The following SLC12A7 variants were observed in gnomAD, a reference collection of about 807,000 sequenced individuals.
SLC12A7 encodes solute carrier family 12 member 7.
SLC12A7 carries 100 observed loss-of-function variants against 120.6 expected under a neutral mutation model. The ratio of observed to expected loss-of-function variants is 0.83; its 90% CI spans 0.71 to 0.98. SLC12A7 has a LOEUF of 0.98. Among genes scored for constraint, SLC12A7 ranks in the 50% least tolerant of loss-of-function variants. The pLI, the probability that SLC12A7 is intolerant of heterozygous loss-of-function variation, is 0.00. For missense variants in SLC12A7, 1,373 were observed against 1,548.1 expected (o/e 0.89, Z 1.90); for synonymous variants, 760 against 678.0 (o/e 1.12, Z -1.88).
At chr5:1,126,582 C>T in the SLC12A7 span, among the ~76,000 whole-genome samples, 3 of 152,122 alleles carry the variant, frequency 2.0e-5, no homozygotes, top group African/African-American at 7.2e-5. Flanking sequence ...TATTTCATTA[C>T]TCAGGTATTA....
rs201538075 is a variant in SLC12A7, at chr5:1,064,072, G to A, written c.2607+11C>T. The A allele has an allele frequency of 1.3e-4, 204 of 1,601,952 alleles. No homozygotes were observed. The highest frequency in any genetic ancestry group is 5.8e-4 in the South Asian group (52 of 90,064). On this transcript the variant is annotated intron_variant, in intron 19 of 23. Transcript: ENST00000264930. ...GTGCTCCGGCTGGCGTGTCCCCGTC[G>A]CACGCCCCACCTTGTGCTGGCGCAG...
the SLC12A7 span, among the ~76,000 whole-genome samples, chr5:1,128,190 T>C: frequency 9.2e-5 from 14 of 152,224 alleles, no homozygotes; most frequent in Non-Finnish European, 1.3e-4. Flanking sequence ...CCCCTTCCCC[T>C]GCACCTGTGG....
intron 7 of SLC12A7, among the ~76,000 whole-genome samples, chr5:1,084,321 G>A (rs912827495): frequency 1.3e-5 from 2 of 152,190 alleles, no homozygotes; most frequent in African/African-American, 4.8e-5. Flanking sequence ...GTTTTCCACC[G>A]CGCGGTGCCG....
the SLC12A7 span, among the ~76,000 whole-genome samples, chr5:1,140,509 C>T: frequency 6.6e-6 from 1 of 152,178 alleles, no homozygotes; most frequent in Non-Finnish European, 1.5e-5. Flanking sequence ...GGGGGGTGCT[C>T]CCTGCTGGCT....
chr5:1,136,728 T>C, the SLC12A7 span, among the ~76,000 whole-genome samples: 13 of 73,110 alleles, frequency 1.8e-4, no homozygotes, highest in Admixed American at 4.2e-4. Context: ...CAGGCACACG[T>C]GTGCTCAGAC....
chr5:1,073,505 A>T, intron 17 of SLC12A7, 128 bp downstream of exon 17: 2 of 1,086,902 alleles, frequency 1.8e-6, no homozygotes, highest in Non-Finnish European at 2.5e-6. Context: ...AGCCACCGCC[A>T]CGGCTAAAAC....
intron 11 of SLC12A7, among the ~76,000 whole-genome samples, chr5:1,078,319 G>T (rs1738601796): frequency 6.6e-6 from 1 of 152,120 alleles, no homozygotes; most frequent in African/African-American, 2.4e-5. Flanking sequence ...CCTTGGGGCT[G>T]CCAGACACGC....
At chr5:1,116,601 C>T (rs1373255729), upstream of SLC12A7, among the ~76,000 whole-genome samples, 1 of 152,090 alleles carries the variant, frequency 6.6e-6, no homozygotes, top group Non-Finnish European at 1.5e-5. Flanking sequence ...TGGAAGATTC[C>T]GTGGATGAGT....
intron 23 of SLC12A7, 119 bp downstream of exon 23, chr5:1,053,230 T>C (rs1401888309): frequency 7.5e-6 from 10 of 1,328,320 alleles, no homozygotes; most frequent in Non-Finnish European, 8.2e-6. Context: ...TCCCAGAGCC[T>C]GGGGCTGAAG....
rs769137866 is a variant in SLC12A7, at chr5:1,089,108, G to A, written c.363C>T (p.Phe121=). ...REAKAPRMGT[F]IGVYLPCLQN... The stretch of plus-strand genomic sequence containing the variant: ...GCAGGCACGGCAGGTAGACGCCGAT[G>A]AAGGTGCCCATGCGCGGAGCCTGCG... Residue 121 remains phenylalanine (F), a synonymous_variant, in exon 4 of 24, where the codon TTC becomes TTT. Coordinates refer to ENST00000264930, the MANE Select transcript of SLC12A7 (RefSeq NM_006598.3). 1.2e-6 allele frequency: 2 copies of A among 1,612,800 alleles called. No individual in the cohort carries two copies. The highest frequency in any genetic ancestry group is 3.3e-5 in the Admixed American group (2 of 60,024).
chr5:1,081,751 G>C lies in SLC12A7; in HGVS notation c.1130-7C>G. On this transcript the variant is annotated splice_region_variant and splice_polypyrimidine_tract_variant and intron_variant, in intron 8 of 23. Transcript: ENST00000264930. ...TACGTACTCCACAGGTTCTCTGCCG[G>C]GCAAGGAAGATCCCATGGGTTTCTG... The C allele has an allele frequency of 1.9e-6, 3 of 1,608,040 alleles. No homozygotes were observed. The highest frequency in any genetic ancestry group is 2.6e-6 in the Non-Finnish European group (3 of 1,176,124).
At chr5:1,053,703 G>A (rs529445243) in intron 22 of SLC12A7, among the ~76,000 whole-genome samples, 2 of 152,348 alleles carry the variant, frequency 1.3e-5, no homozygotes, top group South Asian at 4.1e-4. Flanking sequence ...GGATGCTTTG[G>A]CCTCCAGGGA....
At chr5:1,079,323 G>T in intron 10 of SLC12A7, 75 bp downstream of exon 10, 1 of 1,172,034 alleles carries the variant, frequency 8.5e-7, no homozygotes, top group Non-Finnish European at 1.3e-6. Context: ...AGGGTATGAT[G>T]CTGAGCCGGG....
chr5:1,079,578 A>G, intron 9 of SLC12A7, 82 bp from the exon 10 acceptor site: 4 of 1,208,136 alleles, frequency 3.3e-6, no homozygotes, highest in East Asian at 2.3e-5. Context: ...AAAGCTGGAA[A>G]GGCGGTCTCT....
chr5:1,108,286 C>T lies in SLC12A7; in HGVS notation c.124+3582G>A, dbSNP rs556876121. 5.3e-5 allele frequency among the ~76,000 whole-genome samples: 8 copies of T among 152,338 alleles called. No individual in the cohort carries two copies. The South Asian group carries it at 8.3e-4, about 16-fold the overall frequency. On this transcript the variant is annotated intron_variant, in intron 1 of 23. Coordinates refer to ENST00000264930, the MANE Select transcript of SLC12A7 (RefSeq NM_006598.3). Reference sequence around the variant, plus strand: ...GGAGACAGCCTGGGAGTATGTCAGGCGCAGGAGGAAGCACAGGCCCCGGCC... The same window carrying T: ...GGAGACAGCCTGGGAGTATGTCAGGTGCAGGAGGAAGCACAGGCCCCGGCC...
chr5:1,089,301 G>T (rs1740238124), intron 3 of SLC12A7, among the ~76,000 whole-genome samples, 173 bp from the exon 4 acceptor site: 1 of 152,156 alleles, frequency 6.6e-6, no homozygotes, highest in Admixed American at 6.5e-5. Context: ...CAGGACCCCT[G>T]ACCATCCCGG....
chr5:1,081,055 G>A (rs937277305), intron 9 of SLC12A7, among the ~76,000 whole-genome samples: 14 of 97,666 alleles, frequency 1.4e-4, no homozygotes, highest in Non-Finnish European at 4.2e-5. Context: ...GAAGAAGAGG[G>A]AGACAGAGAG....
intron 6 of SLC12A7, among the ~76,000 whole-genome samples, chr5:1,085,938 G>A (rs954996222): frequency 7.2e-5 from 11 of 152,236 alleles, no homozygotes; most frequent in African/African-American, 2.4e-4. Flanking sequence ...CCACGCCGGC[G>A]GGGGGCAACC....
At chr5:1,068,632 C>T (rs1042795031) in intron 17 of SLC12A7, among the ~76,000 whole-genome samples, 1 of 152,250 alleles carries the variant, frequency 6.6e-6, no homozygotes, top group East Asian at 1.9e-4. Context: ...GCCAAAGGCT[C>T]GCTGAGAGCA....
Sources: allele counts gnomAD v4.1 joint callset (sites outside exome capture counted in the v4.1 genomes callset), GRCh38; gene constraint gnomAD v4.1.1; transcripts MANE v1.5; gene names NCBI Gene and HGNC (gene_info 2026-07-23, HGNC 2026-07-21).